Variants in SSTR4 observed in about 807,000 individuals in gnomAD.
SSTR4 encodes somatostatin receptor type 4.
For missense variants in SSTR4, 649 were observed against 540.6 expected (o/e 1.20, Z -1.99); for synonymous variants, 272 against 246.3 (o/e 1.10, Z -0.98).
chr20:23,036,556 G>T lies in SSTR4; in HGVS notation c.1073G>T (p.Gly358Val). The T allele has an allele frequency of 1.2e-6, 2 of 1,611,388 alleles. No homozygotes were observed. The highest frequency in any genetic ancestry group is 1.7e-6 in the Non-Finnish European group (2 of 1,179,024). ...ATALKSKGGAGCMCPPLPCQQ... is the reference protein window; with the variant it reads ...ATALKSKGGAVCMCPPLPCQQ... ...GCTCTCAAGAGCAAAGGTGGGGCAG[G>T]GTGCATGTGCCCCCCACTCCCCTGC... is the stretch of plus-strand genomic sequence containing the variant. The change falls in exon 1 of 1, where the codon GGG (glycine) becomes GTG (valine). Residue 358 changes from glycine (G) to valine (V), a missense_variant. By Grantham distance (109) the Gly-to-Val change is moderately radical. Coordinates refer to ENST00000255008, the MANE Select transcript of SSTR4 (RefSeq NM_001052.4).
At position 23,037,875 on chromosome 20, in the gene SSTR4, C is replaced by A. The variant is rs554104247; in HGVS notation, c.*1225C>A. 1.3e-4 allele frequency among the ~76,000 whole-genome samples: 20 copies of A among 152,248 alleles called. No homozygotes were observed. Among genetic ancestry groups the A allele is most frequent in the African/African-American group, 4.8e-4 (20 of 41,536 alleles). ...ACCGGCCTGATTCTGGATGATCATT[C>A]TGGTGGTATGGGGAAGATGGTGTGG... On this transcript the variant is annotated 3_prime_UTR_variant, in exon 1 of 1. Transcript: ENST00000255008.
rs758666610 is a variant in SSTR4, at chr20:23,035,616, G to C, written c.133G>C (p.Ala45Pro). Residue 45 changes from alanine (A) to proline (P), a missense_variant, in exon 1 of 1, where the codon GCG becomes CCG. Physicochemically the swap from Ala to Pro is conservative, Grantham distance 27. Transcript: ENST00000255008. Reference protein sequence around the residue: ...AVAGPGDARAAGMVAIQCIYA... With the variant: ...AVAGPGDARAPGMVAIQCIYA... ...GGCGGGGCCCGGGGACGCGCGGGCG[G>C]CGGGCATGGTCGCTATCCAGTGCAT... The C allele has an allele frequency of 7.4e-5, 114 of 1,545,764 alleles. No homozygotes were observed. Among genetic ancestry groups the C allele is most frequent in the Admixed American group, 4.9e-4 (24 of 49,100 alleles).
Position 23,038,897 on chromosome 20 carries a change from TC to T in SSTR4, c.*2248del, listed in dbSNP as rs1984397948. The T allele has an allele frequency of 6.6e-6, 1 of 152,282 alleles. No homozygotes were observed. The allele number at this position is 152,282 out of a possible 1,614,324, so 9.4% of individuals were successfully genotyped here. A position where few individuals can be genotyped will look rare whatever the true frequency, so the allele number is the denominator to read the frequency against. Reference sequence around the variant, plus strand: ...TGTAGGGTGAGCCTACCCGCTGCTCTCTTCTTTAGCTTCAGGGCCTTTTCAT... The same window carrying T: ...TGTAGGGTGAGCCTACCCGCTGCTCTTTCTTTAGCTTCAGGGCCTTTTCAT... On this transcript the variant is annotated 3_prime_UTR_variant, in exon 1 of 1. Transcript: ENST00000255008.
rs1198409197 is a variant in SSTR4, at chr20:23,035,559, A to G, written c.76A>G (p.Ser26Gly). 2 of 1,591,798 alleles carry G rather than the reference A, an allele frequency of 1.3e-6. No homozygotes were observed. The highest frequency in any genetic ancestry group is 1.8e-5 in the Admixed American group (1 of 56,284). Residue 26 changes from serine to glycine, a missense_variant, in exon 1 of 1, where the codon AGT becomes GGT. By Grantham distance (56) the Ser-to-Gly change is moderately conservative (BLOSUM62 0). Transcript: ENST00000255008. ...GGCCTGGCCCTCTGCAGCCAATGCC[A>G]GTAGCGCTCCGGCGGAGGCGGAGGA... is the stretch of plus-strand genomic sequence containing the variant. Reference protein sequence around the residue: ...GTAWPSAANASSAPAEAEEAV... With the variant: ...GTAWPSAANAGSAPAEAEEAV...
rs35893618 is a variant in SSTR4, at chr20:23,037,118, A to G, written c.*468A>G. Among the ~76,000 whole-genome samples the G allele has an allele frequency of 9.1e-4, 138 of 152,232 alleles. 3 individuals are homozygous for G. The highest frequency in any genetic ancestry group is 3.2e-3 in the African/African-American group (133 of 41,548). On this transcript the variant is annotated 3_prime_UTR_variant, in exon 1 of 1. Transcript: ENST00000255008. ...AGATGCCCCCAGGCACCTGCCCTTT[A>G]TGTCTCTTCCTGAGCTCTTGTTAAG...
rs1984398289 is a variant in SSTR4, at chr20:23,038,919, T to C, written c.*2269T>C. 6.6e-6 allele frequency: 1 copy of C among 152,266 alleles called. No homozygotes were observed. Among genetic ancestry groups the C allele is most frequent in the Non-Finnish European group, 1.5e-5 (1 of 68,084 alleles). The allele number at this position is 152,266 out of a possible 1,614,324, so 9.4% of individuals were successfully genotyped here. On this transcript the variant is annotated 3_prime_UTR_variant, in exon 1 of 1. Coordinates refer to ENST00000255008, the MANE Select transcript of SSTR4 (RefSeq NM_001052.4). ...CTCTCTTCTTTAGCTTCAGGGCCTTTTCATTTCCCGGCAGCAACGAGGTGC... is the reference window on the plus strand; with the variant it reads ...CTCTCTTCTTTAGCTTCAGGGCCTTCTCATTTCCCGGCAGCAACGAGGTGC...
rs1354884279 is a variant in SSTR4 at position 23,038,016 on chromosome 20, G to A, written c.*1366G>A. 1.3e-5 allele frequency among the ~76,000 whole-genome samples: 2 copies of A among 152,134 alleles called. No individual in the cohort carries two copies. The highest frequency in any genetic ancestry group is 4.8e-5 in the African/African-American group (2 of 41,430). ...TGTACTACATACTGGAGACATGACT[G>A]TGGAATGGAAGTTTCAAAACTAAGT... On this transcript the variant is annotated 3_prime_UTR_variant, in exon 1 of 1. Coordinates refer to ENST00000255008, the MANE Select transcript of SSTR4 (RefSeq NM_001052.4).
rs1392305157 is a variant in SSTR4 at position 23,036,720 on chromosome 20, G to C, written c.*70G>C. 4 of 1,481,986 alleles carry C rather than the reference G, an allele frequency of 2.7e-6. No individual in the cohort carries two copies. The highest frequency in any genetic ancestry group is 1.4e-5 in the African/African-American group (1 of 70,916). The allele number at this position is 1,481,986 out of a possible 1,614,324, so 91.8% of individuals were successfully genotyped here. A position where few individuals can be genotyped will look rare whatever the true frequency, so the allele number is the denominator to read the frequency against. ...TGGGCACCATTCCTACAGCCCCGAA[G>C]ACTGCATCTCCTGAATGCTCACCTA... is the stretch of plus-strand genomic sequence containing the variant. On this transcript the variant is annotated 3_prime_UTR_variant, in exon 1 of 1. Coordinates refer to ENST00000255008, the MANE Select transcript of SSTR4 (RefSeq NM_001052.4).
At position 23,035,542 on chromosome 20, in the gene SSTR4, C is replaced by T. The variant is rs750072389; in HGVS notation, c.59C>T (p.Pro20Leu). Residue 20 changes from proline (P) to leucine (L), a missense_variant, in exon 1 of 1, where the codon CCC becomes CTC. Transcript: ENST00000255008. ...GGEEGLGTAW[P>L]SAANASSAPA... ...GAGGAAGGGCTGGGGACGGCCTGGC[C>T]CTCTGCAGCCAATGCCAGTAGCGCT... is the stretch of plus-strand genomic sequence containing the variant. 10 of 1,593,692 alleles carry T rather than the reference C, an allele frequency of 6.3e-6. No individual in the cohort carries two copies. The highest frequency in any genetic ancestry group is 1.1e-5 in the South Asian group (1 of 89,576).
rs1393306777 is a variant in SSTR4 at position 23,037,908 on chromosome 20, G to A, written c.*1258G>A. On this transcript the variant is annotated 3_prime_UTR_variant, in exon 1 of 1. Coordinates refer to ENST00000255008, the MANE Select transcript of SSTR4 (RefSeq NM_001052.4). ...ATGGGGAAGATGGTGTGGGGAGGGGGAGAGACAGCCAAAGGTCAACACCCT... is the reference window on the plus strand; with the variant it reads ...ATGGGGAAGATGGTGTGGGGAGGGGAAGAGACAGCCAAAGGTCAACACCCT... 6.6e-6 allele frequency among the ~76,000 whole-genome samples: 1 copy of A among 152,142 alleles called. No individual in the cohort carries two copies. The highest frequency in any genetic ancestry group is 2.4e-5 in the African/African-American group (1 of 41,434).
In SSTR4 at chr20:23,036,241, C is replaced by G. The variant is rs772013918; in HGVS notation, c.758C>G (p.Ser253Trp). ...GCTGGCTGGCAGCAGCGCAGGCGCT[C>G]GGAGAAGAAAATCACCAGGCTGGTG... ...LRAGWQQRRR[S>W]EKKITRLVLM... The change falls in exon 1 of 1, where the codon TCG (serine) becomes TGG (tryptophan). Residue 253 changes from serine (S) to tryptophan (W), a missense_variant. By Grantham distance (177) the Ser-to-Trp change is radical (BLOSUM62 -3). Coordinates refer to ENST00000255008, the MANE Select transcript of SSTR4 (RefSeq NM_001052.4). 8.7e-6 allele frequency: 14 copies of G among 1,614,112 alleles called. No individual in the cohort carries two copies. Among genetic ancestry groups the G allele is most frequent in the Middle Eastern group, 1.6e-4 (1 of 6,062 alleles).
Position 23,036,675 on chromosome 20 carries a change from C to A in SSTR4, c.*25C>A, listed in dbSNP as rs3746730. The stretch of plus-strand genomic sequence containing the variant: ...AGGAGCCCTTCCCCTACCCACCCTG[C>A]GTGGCCACCTCCCAAGGGGTGGGCA... On this transcript the variant is annotated 3_prime_UTR_variant, in exon 1 of 1. Transcript: ENST00000255008. 16 of 1,523,882 alleles carry A rather than the reference C, an allele frequency of 1.0e-5. No homozygotes were observed. The South Asian group carries it at 1.2e-4, about 11-fold the overall frequency. 94.4% of individuals were successfully genotyped at this position (1,523,882 alleles called of 1,614,324 possible).
In SSTR4 at chr20:23,036,644, C is replaced by A; in HGVS notation, c.1161C>A (p.Thr387=). 2 of 1,541,096 alleles carry A rather than the reference C, an allele frequency of 1.3e-6. No individual in the cohort carries two copies. Among genetic ancestry groups the A allele is most frequent in the African/African-American group, 1.4e-5 (1 of 72,894 alleles). ...RKRIPLTRTT[T]F ...GCATCCCCCTCACCAGGACCACCAC[C>A]TTCTGAGGAGCCCTTCCCCTACCCA... The change falls in exon 1 of 1, where the codon ACC becomes ACA. Residue 387 remains threonine, a synonymous_variant. Transcript: ENST00000255008.
chr20:23,036,266 G>T lies in SSTR4; in HGVS notation c.783G>T (p.Val261=). ...RRSEKKITRL[V]LMVVVVFVLC... is the part of the protein sequence containing the mutation. ...CGGAGAAGAAAATCACCAGGCTGGT[G>T]CTGATGGTCGTGGTCGTCTTTGTGC... The change falls in exon 1 of 1, where the codon GTG becomes GTT. Residue 261 remains valine (V), a synonymous_variant. Coordinates refer to ENST00000255008, the MANE Select transcript of SSTR4 (RefSeq NM_001052.4). The T allele has an allele frequency of 6.2e-7, 1 of 1,614,184 alleles. No individual in the cohort carries two copies.
At position 23,035,843 on chromosome 20, in the gene SSTR4, C is replaced by G. The variant is rs369700001; in HGVS notation, c.360C>G (p.Arg120=). 5 of 1,601,718 alleles carry G rather than the reference C, an allele frequency of 3.1e-6. No individual in the cohort carries two copies. Among genetic ancestry groups the G allele is most frequent in the Non-Finnish European group, 4.3e-6 (5 of 1,174,150 alleles). ...RHWPFGSVLC[R]AVLSVDGLNM... is the part of the protein sequence containing the mutation. ...GGCCCTTCGGCTCCGTGCTGTGCCG[C>G]GCGGTGCTCAGCGTCGACGGCCTCA... The change falls in exon 1 of 1, where the codon CGC becomes CGG. Residue 120 remains arginine, a synonymous_variant. Transcript: ENST00000255008.
At position 23,036,163 on chromosome 20, in the gene SSTR4, T is replaced by C. The variant is rs1984311762; in HGVS notation, c.680T>C (p.Ile227Thr). The C allele has an allele frequency of 6.2e-7, 1 of 1,609,994 alleles. No homozygotes were observed. Among genetic ancestry groups the C allele is most frequent in the African/African-American group, 1.3e-5 (1 of 75,046 alleles). ...GGCTTCCTGCTGCCCGTGCTGGCCATTGGCCTGTGCTACCTGCTCATCGTG... is the reference window on the plus strand; with the variant it reads ...GGCTTCCTGCTGCCCGTGCTGGCCACTGGCCTGTGCTACCTGCTCATCGTG... ...LLGFLLPVLAIGLCYLLIVGK... is the reference protein window; with the variant it reads ...LLGFLLPVLATGLCYLLIVGK... The change falls in exon 1 of 1, where the codon ATT (isoleucine) becomes ACT (threonine). Residue 227 changes from isoleucine (I) to threonine (T), a missense_variant. Physicochemically the swap from Ile to Thr is moderately conservative, Grantham distance 89. Coordinates refer to ENST00000255008, the MANE Select transcript of SSTR4 (RefSeq NM_001052.4).
chr20:23,036,016 C>T lies in SSTR4; in HGVS notation c.533C>T (p.Thr178Ile). The change falls in exon 1 of 1, where the codon ACT becomes ATT. Residue 178 changes from threonine (T) to isoleucine (I), a missense_variant. Thr to Ile is a moderately conservative substitution (Grantham distance 89). Transcript: ENST00000255008. ...GTGTGGCTGGCATCCCTGTTGGTCA[C>T]TCTCCCCATCGCCATCTTCGCAGAC... ...LGVWLASLLV[T>I]LPIAIFADTR... 2 of 1,592,952 alleles carry T rather than the reference C, an allele frequency of 1.3e-6. No individual in the cohort carries two copies. Among genetic ancestry groups the T allele is most frequent in the Non-Finnish European group, 1.7e-6 (2 of 1,174,340 alleles).
chr20:23,038,572 A>G lies in SSTR4; in HGVS notation c.*1922A>G, dbSNP rs966276190. On this transcript the variant is annotated 3_prime_UTR_variant, in exon 1 of 1. Transcript: ENST00000255008. The stretch of plus-strand genomic sequence containing the variant: ...GAGGCAGCTTCAGGTGATGGAAAGA[A>G]AAGTCTCTGAGAGGCAGGACACCTC... Among the ~76,000 whole-genome samples, 2 of 152,224 alleles carry G rather than the reference A, an allele frequency of 1.3e-5. No individual in the cohort carries two copies. The highest frequency in any genetic ancestry group is 2.9e-5 in the Non-Finnish European group (2 of 68,042).
Position 23,038,277 on chromosome 20 carries a change from C to T in SSTR4, c.*1627C>T, listed in dbSNP as rs999586658. ...TGATGAATATGGTTGAACGGAACTC[C>T]AAGGACCACCCAGGTTGATAGTAGT... On this transcript the variant is annotated 3_prime_UTR_variant, in exon 1 of 1. Transcript: ENST00000255008. The T allele has an allele frequency of 2.0e-5, 3 of 152,164 alleles. No individual in the cohort carries two copies. Among genetic ancestry groups the T allele is most frequent in the African/African-American group, 7.2e-5 (3 of 41,432 alleles). 9.4% of individuals were successfully genotyped at this position (152,164 alleles called of 1,614,324 possible). A position where few individuals can be genotyped will look rare whatever the true frequency, so the allele number is the denominator to read the frequency against.
Sources: allele counts gnomAD v4.1 joint callset (sites outside exome capture counted in the v4.1 genomes callset), GRCh38; gene constraint gnomAD v4.1.1; transcripts MANE v1.5; gene names NCBI Gene and HGNC (gene_info 2026-07-23, HGNC 2026-07-21).